The following NSMCE3 variants were observed in gnomAD, a reference collection of about 807,000 sequenced individuals.
NSMCE3 encodes non-structural maintenance of chromosomes element 3 homolog.
For missense variants in NSMCE3, 452 were observed against 399.5 expected, an observed-to-expected ratio of 1.13 and a Z score of -1.12; for synonymous variants, 214 against 172.2, an observed-to-expected ratio of 1.24 and a Z score of -1.90.
rs1327073601 is a variant in NSMCE3 at position 29,268,741 on chromosome 15, T to C, written c.*50A>G. ...TCCCTTCCCCCAATCCTCTAAACTG[T>C]GCCTTTGGGTCTCAGACCCTTGTCC... On this transcript the variant is annotated 3_prime_UTR_variant, in exon 1 of 1. Transcript: ENST00000332303. 1 of 1,540,392 alleles carries C rather than the reference T, an allele frequency of 6.5e-7. No individual in the cohort carries two copies.
chr15:29,269,025 A>C lies in NSMCE3; in HGVS notation c.681T>G (p.Phe227Leu). The C allele has an allele frequency of 6.2e-7, 1 of 1,614,120 alleles. No homozygotes were observed. The highest frequency in any genetic ancestry group is 8.5e-7 in the Non-Finnish European group (1 of 1,180,020). ...GGTATTCCAGGTAACGCTGTCGCACAAAGTCCTCAGTAATGAGTTTCTTTG... is the reference window on the plus strand; with the variant it reads ...GGTATTCCAGGTAACGCTGTCGCACCAAGTCCTCAGTAATGAGTTTCTTTG... Reference protein sequence around the residue: ...GDPKKLITEDFVRQRYLEYRR... With the variant: ...GDPKKLITEDLVRQRYLEYRR... The change falls in exon 1 of 1, where the codon TTT (phenylalanine) becomes TTG (leucine). Residue 227 changes from phenylalanine to leucine, a missense_variant. Physicochemically the swap from Phe to Leu is conservative, Grantham distance 22. Transcript: ENST00000332303.
chr15:29,269,106 G>A lies in NSMCE3; in HGVS notation c.600C>T (p.Asp200=), dbSNP rs898863885. The A allele has an allele frequency of 2.5e-6, 4 of 1,614,032 alleles. No individual in the cohort carries two copies. Among genetic ancestry groups the A allele is most frequent in the Non-Finnish European group, 2.5e-6 (3 of 1,180,034 alleles). The change falls in exon 1 of 1, where the codon GAC becomes GAT. Residue 200 remains aspartate (D), a synonymous_variant. Transcript: ENST00000332303. Reference sequence around the variant, plus strand: ...GGTAGACCCCTAAGCGCCGCAGAAAGTCCCAGGCTTCAGTTTCCTTGATGG... The same window carrying A: ...GGTAGACCCCTAAGCGCCGCAGAAAATCCCAGGCTTCAGTTTCCTTGATGG... The part of the protein sequence containing the change: ...GNTIKETEAW[D]FLRRLGVYPT...
rs2153041344 is a variant in NSMCE3 at position 29,266,126 on chromosome 15, ATAGAAATAGGTC to A, written c.*2653_*2664del. ...ACATATAAAGATGTCTTACAAATCAATAGAAATAGGTCTAAGACATGAAATCTGACACTCAAA... is the reference window on the plus strand; with the variant it reads ...ACATATAAAGATGTCTTACAAATCAATAAGACATGAAATCTGACACTCAAA... On this transcript the variant is annotated 3_prime_UTR_variant, in exon 1 of 1. Transcript: ENST00000332303. The A allele has an allele frequency of 6.6e-6, 1 of 152,358 alleles. No individual in the cohort carries two copies. The highest frequency in any genetic ancestry group is 2.1e-4 in the South Asian group (1 of 4,832). The allele number at this position is 152,358 out of a possible 1,614,324, so 9.4% of individuals were successfully genotyped here. A position where few individuals can be genotyped will look rare whatever the true frequency, so the allele number is the denominator to read the frequency against.
Position 29,269,763 on chromosome 15 carries a change from T to G in NSMCE3, c.-58A>C. 7.2e-7 allele frequency: 1 copy of G among 1,392,356 alleles called. No individual in the cohort carries two copies. The highest frequency in any genetic ancestry group is 9.3e-7 in the Non-Finnish European group (1 of 1,074,478). 86.3% of individuals were successfully genotyped at this position (1,392,356 alleles called of 1,614,324 possible). On this transcript the variant is annotated 5_prime_UTR_variant, in exon 1 of 1. Coordinates refer to ENST00000332303, the MANE Select transcript of NSMCE3 (RefSeq NM_138704.4). The stretch of plus-strand genomic sequence containing the variant: ...GTAGGCAAGCAGCCGCGGCGGGGAT[T>G]GCGGGTCGGCGACCCGCTAACGCCG...
At position 29,269,796 on chromosome 15, in the gene NSMCE3, G is replaced by GA; in HGVS notation, c.-92dup. 8.0e-7 allele frequency: 1 copy of GA among 1,247,724 alleles called. No individual in the cohort carries two copies. Among genetic ancestry groups the GA allele is most frequent in the Non-Finnish European group, 1.1e-6 (1 of 951,504 alleles). 77.3% of individuals were successfully genotyped at this position (1,247,724 alleles called of 1,614,324 possible). A position where few individuals can be genotyped will look rare whatever the true frequency, so the allele number is the denominator to read the frequency against. ...GGCGACCCGCTAACGCCGGTGCCTGGAGGCGCGCGCAGTGTCGGCTGAGAC... is the reference window on the plus strand; with the variant it reads ...GGCGACCCGCTAACGCCGGTGCCTGGAAGGCGCGCGCAGTGTCGGCTGAGAC... On this transcript the variant is annotated 5_prime_UTR_variant, in exon 1 of 1. Transcript: ENST00000332303.
rs1451551053 is a variant in NSMCE3 at position 29,267,159 on chromosome 15, C to T, written c.*1632G>A. The T allele has an allele frequency of 1.3e-5, 2 of 152,190 alleles. No individual in the cohort carries two copies. The highest frequency in any genetic ancestry group is 2.1e-4 in the South Asian group (1 of 4,822). The allele number at this position is 152,190 out of a possible 1,614,324, so 9.4% of individuals were successfully genotyped here. On this transcript the variant is annotated 3_prime_UTR_variant, in exon 1 of 1. Transcript: ENST00000332303. ...TAAAACCCAGTAACCTATCACATTC[C>T]TCCATACTCACTATAGACTCTTTTA... is the stretch of plus-strand genomic sequence containing the variant.
At position 29,269,099 on chromosome 15, in the gene NSMCE3, G is replaced by A; in HGVS notation, c.607C>T (p.Arg203Trp). ...TTGGTGGGGTAGACCCCTAAGCGCCGCAGAAAGTCCCAGGCTTCAGTTTCC... is the reference window on the plus strand; with the variant it reads ...TTGGTGGGGTAGACCCCTAAGCGCCACAGAAAGTCCCAGGCTTCAGTTTCC... ...IKETEAWDFLRRLGVYPTKKH... is the reference protein window; with the variant it reads ...IKETEAWDFLWRLGVYPTKKH... Residue 203 changes from arginine to tryptophan, a missense_variant, in exon 1 of 1, where the codon CGG becomes TGG. Physicochemically the swap from Arg to Trp is moderately radical, Grantham distance 101. Transcript: ENST00000332303. 6.2e-7 allele frequency: 1 copy of A among 1,614,082 alleles called. No individual in the cohort carries two copies. Among genetic ancestry groups the A allele is most frequent in the Non-Finnish European group, 8.5e-7 (1 of 1,180,024 alleles).
chr15:29,267,088 A>G lies in NSMCE3; in HGVS notation c.*1703T>C, dbSNP rs2043495793. ...AGAAATGCCTGTAAGGGCCAAACAT[A>G]TTCCACTGATGAAACAAATGCAAAT... On this transcript the variant is annotated 3_prime_UTR_variant, in exon 1 of 1. Coordinates refer to ENST00000332303, the MANE Select transcript of NSMCE3 (RefSeq NM_138704.4). The G allele has an allele frequency of 1.3e-5, 2 of 152,268 alleles. No individual in the cohort carries two copies. The highest frequency in any genetic ancestry group is 4.8e-5 in the African/African-American group (2 of 41,458). The allele number at this position is 152,268 out of a possible 1,614,324, so 9.4% of individuals were successfully genotyped here.
rs2043551188 is a variant in NSMCE3, at chr15:29,269,239, T to C, written c.467A>G (p.Asn156Ser). ...ATCCTCCTCCACAGGCTCCAGGGTG[T>C]TGATGAGGATGTAAGTGTTGCTCTT... is the stretch of plus-strand genomic sequence containing the variant. Reference protein sequence around the residue: ...EPKSNTYILINTLEPVEEDAE... With the variant: ...EPKSNTYILISTLEPVEEDAE... Residue 156 changes from asparagine to serine, a missense_variant, in exon 1 of 1, where the codon AAC becomes AGC. Transcript: ENST00000332303. 2 of 1,614,022 alleles carry C rather than the reference T, an allele frequency of 1.2e-6. No individual in the cohort carries two copies. Among genetic ancestry groups the C allele is most frequent in the Admixed American group, 1.7e-5 (1 of 60,002 alleles).
At position 29,265,262 on chromosome 15, in the gene NSMCE3, T is replaced by C. The variant is rs2043456331; in HGVS notation, c.*3529A>G. ...GCCTGCTGTAACTGCTTCTTTTCAATAATATATTGCATTTTCAGCCAATGC... is the reference window on the plus strand; with the variant it reads ...GCCTGCTGTAACTGCTTCTTTTCAACAATATATTGCATTTTCAGCCAATGC... On this transcript the variant is annotated 3_prime_UTR_variant, in exon 1 of 1. Coordinates refer to ENST00000332303, the MANE Select transcript of NSMCE3 (RefSeq NM_138704.4). 1.3e-5 allele frequency: 2 copies of C among 152,212 alleles called. No individual in the cohort carries two copies. The highest frequency in any genetic ancestry group is 4.8e-5 in the African/African-American group (2 of 41,456). The allele number at this position is 152,212 out of a possible 1,614,324, so 9.4% of individuals were successfully genotyped here.
In NSMCE3 at chr15:29,269,610, G is replaced by C. The variant is rs756584888; in HGVS notation, c.96C>G (p.Ala32=). The change falls in exon 1 of 1, where the codon GCC becomes GCG. Residue 32 remains alanine, a synonymous_variant. Coordinates refer to ENST00000332303, the MANE Select transcript of NSMCE3 (RefSeq NM_138704.4). ...SHSGNPGASR[A]GEDARVLRDG... ...CTCTGAGAACCCGGGCGTCTTCCCC[G>C]GCCCGCGAAGCCCCGGGGTTTCCGC... is the stretch of plus-strand genomic sequence containing the variant. 3.8e-6 allele frequency: 6 copies of C among 1,562,918 alleles called. No individual in the cohort carries two copies. The highest frequency in any genetic ancestry group is 1.9e-5 in the Admixed American group (1 of 53,834).
rs968075628 is a variant in NSMCE3, at chr15:29,266,025, T to C, written c.*2766A>G. On this transcript the variant is annotated 3_prime_UTR_variant, in exon 1 of 1. Transcript: ENST00000332303. ...ACACATTTAGGTCAAATGATCTGTA[T>C]GACCAAAAGAAGTGAAAATGTGGGA... 15 of 152,170 alleles carry C rather than the reference T, an allele frequency of 9.9e-5. No individual in the cohort carries two copies. The highest frequency in any genetic ancestry group is 3.6e-4 in the African/African-American group (15 of 41,430). 9.4% of individuals were successfully genotyped at this position (152,170 alleles called of 1,614,324 possible). A position where few individuals can be genotyped will look rare whatever the true frequency, so the allele number is the denominator to read the frequency against.
Position 29,269,738 on chromosome 15 carries a change from G to C in NSMCE3, c.-33C>G. The C allele has an allele frequency of 1.4e-6, 2 of 1,455,400 alleles. No homozygotes were observed. The highest frequency in any genetic ancestry group is 1.8e-6 in the Non-Finnish European group (2 of 1,110,120). The allele number at this position is 1,455,400 out of a possible 1,614,324, so 90.2% of individuals were successfully genotyped here. A position where few individuals can be genotyped will look rare whatever the true frequency, so the allele number is the denominator to read the frequency against. On this transcript the variant is annotated 5_prime_UTR_variant, in exon 1 of 1. Transcript: ENST00000332303. ...GCGGCAGGTGCCGGCGCACACTCCG[G>C]TAGGCAAGCAGCCGCGGCGGGGATT...
In NSMCE3 at chr15:29,266,490, C is replaced by A. The variant is rs192099344; in HGVS notation, c.*2301G>T. ...TACAATGCCTGCAAATCTCAAAGAA[C>A]TGGAAAGACCTTAAATGTCCAGACA... On this transcript the variant is annotated 3_prime_UTR_variant, in exon 1 of 1. Transcript: ENST00000332303. 1 of 152,254 alleles carries A rather than the reference C, an allele frequency of 6.6e-6. No homozygotes were observed. The highest frequency in any genetic ancestry group is 1.9e-4 in the East Asian group (1 of 5,188). 9.4% of individuals were successfully genotyped at this position (152,254 alleles called of 1,614,324 possible).
Position 29,269,219 on chromosome 15 carries a change from C to T in NSMCE3, c.487G>A (p.Glu163Lys). The T allele has an allele frequency of 6.2e-7, 1 of 1,614,156 alleles. No homozygotes were observed. Among genetic ancestry groups the T allele is most frequent in the Non-Finnish European group, 8.5e-7 (1 of 1,180,038 alleles). The part of the protein sequence containing the change: ...ILINTLEPVE[E>K]DAEMRGDQGT... ...TGGTCACCCCTCATCTCGGCATCCT[C>T]CTCCACAGGCTCCAGGGTGTTGATG... Residue 163 changes from glutamate (E) to lysine (K), a missense_variant, in exon 1 of 1, where the codon GAG becomes AAG. Physicochemically the swap from Glu to Lys is moderately conservative, Grantham distance 56. Coordinates refer to ENST00000332303, the MANE Select transcript of NSMCE3 (RefSeq NM_138704.4).
In NSMCE3 at chr15:29,269,622, CCCGGGGTTTCCGCT is replaced by C; in HGVS notation, c.70_83del (p.Ser24GlyfsTer71). 6.4e-7 allele frequency: 1 copy of C among 1,568,778 alleles called. No individual in the cohort carries two copies. Among genetic ancestry groups the C allele is most frequent in the Non-Finnish European group, 8.6e-7 (1 of 1,161,610 alleles). On this transcript the variant is annotated frameshift_variant, in exon 1 of 1. Coordinates refer to ENST00000332303, the MANE Select transcript of NSMCE3 (RefSeq NM_138704.4). LOFTEE classifies it low-confidence loss of function (END_TRUNC). Reference sequence around the variant, plus strand: ...GGGCGTCTTCCCCGGCCCGCGAAGCCCCGGGGTTTCCGCTATGGCTCCAGTCTCTGTCCCTCTCG... The same window carrying C: ...GGGCGTCTTCCCCGGCCCGCGAAGCCATGGCTCCAGTCTCTGTCCCTCTCG...
chr15:29,268,707 G>T lies in NSMCE3; in HGVS notation c.*84C>A. On this transcript the variant is annotated 3_prime_UTR_variant, in exon 1 of 1. Transcript: ENST00000332303. ...AGCGTTTACAGCAATATGCTCCCTG[G>T]GTTCGTTCTCCCTTCCCCCAATCCT... The T allele has an allele frequency of 7.2e-7, 1 of 1,383,172 alleles. No individual in the cohort carries two copies. 85.7% of individuals were successfully genotyped at this position (1,383,172 alleles called of 1,614,324 possible). A position where few individuals can be genotyped will look rare whatever the true frequency, so the allele number is the denominator to read the frequency against.
At position 29,267,816 on chromosome 15, in the gene NSMCE3, G is replaced by A. The variant is rs1420756429; in HGVS notation, c.*975C>T. 1 of 152,016 alleles carries A rather than the reference G, an allele frequency of 6.6e-6. No homozygotes were observed. Among genetic ancestry groups the A allele is most frequent in the Non-Finnish European group, 1.5e-5 (1 of 67,998 alleles). 9.4% of individuals were successfully genotyped at this position (152,016 alleles called of 1,614,324 possible). Reference sequence around the variant, plus strand: ...TAACAAATAAAATTCTCCACATCACGGACTAAAACCATTTTACAGGTCAAG... The same window carrying A: ...TAACAAATAAAATTCTCCACATCACAGACTAAAACCATTTTACAGGTCAAG... On this transcript the variant is annotated 3_prime_UTR_variant, in exon 1 of 1. Coordinates refer to ENST00000332303, the MANE Select transcript of NSMCE3 (RefSeq NM_138704.4).
rs2043455055 is a variant in NSMCE3, at chr15:29,265,174, T to C, written c.*3617A>G. 5 of 152,160 alleles carry C rather than the reference T, an allele frequency of 3.3e-5. No homozygotes were observed. Among genetic ancestry groups the C allele is most frequent in the African/African-American group, 1.2e-4 (5 of 41,436 alleles). The allele number at this position is 152,160 out of a possible 1,614,324, so 9.4% of individuals were successfully genotyped here. ...ACTCTTAACAGCAAACATCACACTC[T>C]ATGGCAAAACTTAAAATTATTTCCT... On this transcript the variant is annotated 3_prime_UTR_variant, in exon 1 of 1. Coordinates refer to ENST00000332303, the MANE Select transcript of NSMCE3 (RefSeq NM_138704.4).
Sources: allele counts gnomAD v4.1 joint callset, GRCh38; gene constraint gnomAD v4.1.1; transcripts MANE v1.5; gene names NCBI Gene and HGNC (gene_info 2026-07-23, HGNC 2026-07-21).